The following DHX29 variants were observed in gnomAD, a reference collection of about 807,000 sequenced individuals.
DHX29 encodes the protein DExH-box helicase 29.
Under a neutral mutation model 167.9 loss-of-function variants are expected in DHX29, and 79 were observed. The observed-to-expected ratio is 0.47, with a 90% confidence interval of 0.39 to 0.57. The LOEUF is 0.57. DHX29 is among the 20% of genes least tolerant of loss of function. DHX29 has a pLI of 0.00. For synonymous variants in DHX29, 530 were observed against 546.0 expected (o/e 0.97, Z 0.41); for missense variants, 1,347 against 1,593.4 (o/e 0.85, Z 2.63).
chr5:55,257,352 A>C (rs1746102651), intron 26 of DHX29, among the ~76,000 whole-genome samples: 1 of 152,314 alleles, frequency 6.6e-6, no homozygotes, highest in East Asian at 1.9e-4. Flanking sequence ...ACAACAACAA[A>C]AAAGTGGGAG....
chr5:55,295,521 G>A lies in DHX29; in HGVS notation c.509C>T (p.Ala170Val), dbSNP rs1748271637. The change falls in exon 5 of 27, where the codon GCA (alanine) becomes GTA (valine). Residue 170 changes from alanine to valine, a missense_variant. Coordinates refer to ENST00000251636, the MANE Select transcript of DHX29 (RefSeq NM_019030.4). ...TTCCTGACTGAATCCTTCAGGAAGTGCATCTTAAAATAAAAGAAACTATGC... is the reference window on the plus strand; with the variant it reads ...TTCCTGACTGAATCCTTCAGGAAGTACATCTTAAAATAAAAGAAACTATGC... ...DWLCLNLSDD[A>V]LPEGFSQEFE... 6.2e-7 allele frequency: 1 copy of A among 1,610,846 alleles called. No individual in the cohort carries two copies. The highest frequency in any genetic ancestry group is 8.5e-7 in the Non-Finnish European group (1 of 1,179,138).
intron 18 of DHX29, among the ~76,000 whole-genome samples, chr5:55,271,793 T>C (rs1746864837): frequency 6.6e-6 from 1 of 152,194 alleles, no homozygotes; most frequent in Non-Finnish European, 1.5e-5. Context: ...TGTTAAACAA[T>C]TTATTTTACA....
chr5:55,293,979 A>G, intron 6 of DHX29, 38 bp downstream of exon 6: 2 of 1,590,098 alleles, frequency 1.3e-6, no homozygotes, highest in East Asian at 2.2e-5. Flanking sequence ...CTTGCTTAAG[A>G]GCATCCAGTT....
chr5:55,280,892 G>A (rs1747366663), intron 12 of DHX29, among the ~76,000 whole-genome samples: 1 of 152,022 alleles, frequency 6.6e-6, no homozygotes, highest in Admixed American at 6.6e-5. Context: ...CAGGTCCTAT[G>A]TGCCAGTGAA....
chr5:55,283,565 C>A lies in DHX29; in HGVS notation c.1603G>T (p.Ala535Ser). The change falls in exon 11 of 27, where the codon GCA becomes TCA. Residue 535 changes from alanine (A) to serine (S), a missense_variant. Around this residue, in one of 3 missense-constraint regions of DHX29, gnomAD observed 882 missense variants for 1,082.4 expected, o/e 0.81. Transcript: ENST00000251636. ...ENLVSDEDFSALSLESANVED... is the reference protein window; with the variant it reads ...ENLVSDEDFSSLSLESANVED... ...ACATTTGCTGATTCCAAGGACAGTG[C>A]AGAAAAATCCTCATCCGAAACTAAA... The A allele has an allele frequency of 6.2e-7, 1 of 1,614,182 alleles. No individual in the cohort carries two copies. The highest frequency in any genetic ancestry group is 8.5e-7 in the Non-Finnish European group (1 of 1,180,038).
chr5:55,285,161 G>A (rs985855083), intron 10 of DHX29, 132 bp downstream of exon 10: 9 of 1,317,210 alleles, frequency 6.8e-6, no homozygotes, highest in African/African-American at 3.0e-5. Context: ...ACTATGTTTA[G>A]GGTTGAAAGG....
chr5:55,285,507 G>A, intron 9 of DHX29, 91 bp from the exon 10 acceptor site: 1 of 1,339,598 alleles, frequency 7.5e-7, no homozygotes, highest in South Asian at 1.5e-5. Flanking sequence ...ACTCAAGTTT[G>A]TTAATTATTT....
At position 55,281,532 on chromosome 5, in the gene DHX29, A is replaced by G; in HGVS notation, c.1966-17T>C. 6.5e-7 allele frequency: 1 copy of G among 1,548,708 alleles called. No individual in the cohort carries two copies. The highest frequency in any genetic ancestry group is 1.4e-5 in the African/African-American group (1 of 72,178). On this transcript the variant is annotated splice_polypyrimidine_tract_variant and intron_variant, in intron 11 of 26. Coordinates refer to ENST00000251636, the MANE Select transcript of DHX29 (RefSeq NM_019030.4). ...CAAGGAATTCTAAAGGGAGAACATA[A>G]GGCCTTGATTAGATTCTCATGAGTA...
intron 25 of DHX29, among the ~76,000 whole-genome samples, chr5:55,260,482 C>T (rs1027899086): frequency 2.1e-4 from 25 of 117,978 alleles, no homozygotes; most frequent in African/African-American, 3.1e-4. Flanking sequence ...CCACCTGCCT[C>T]GGCCTCCCAA....
At chr5:55,286,388 A>C (rs1747731908) in intron 8 of DHX29, among the ~76,000 whole-genome samples, 1 of 152,174 alleles carries the variant, frequency 6.6e-6, no homozygotes. Context: ...TATCTTGAGG[A>C]ACTTATGTAT....
chr5:55,297,432 G>C, intron 2 of DHX29, 34 bp from the exon 3 acceptor site: 1 of 868,524 alleles, frequency 1.2e-6, no homozygotes, highest in Non-Finnish European at 1.9e-6. Context: ...TCATTTAGAA[G>C]CTAAATTATT....
At chr5:55,266,395 C>T (rs1223682717) in intron 23 of DHX29, among the ~76,000 whole-genome samples, 1 of 150,742 alleles carries the variant, frequency 6.6e-6, no homozygotes, top group African/African-American at 2.4e-5. Context: ...CCACAACCTC[C>T]ATCTCCTCGG....
chr5:55,298,422 C>CTCAACATATGTGTATGATT (rs1174470202), intron 2 of DHX29, among the ~76,000 whole-genome samples, 169 bp downstream of exon 2: 1 of 152,158 alleles, frequency 6.6e-6, no homozygotes, highest in African/African-American at 2.4e-5. Context: ...CTTACTGTCT[C>CTCAACATATGTGTATGATT]TCAACATATG....
At chr5:55,276,758 G>C (rs1747135536) in intron 13 of DHX29, among the ~76,000 whole-genome samples, 2 of 152,238 alleles carry the variant, frequency 1.3e-5, no homozygotes, top group African/African-American at 2.4e-5. Context: ...TGAAAAAGGA[G>C]TTCCTTATTG....
At chr5:55,270,987 TATTA>T (rs1458728735) in intron 18 of DHX29, among the ~76,000 whole-genome samples, 1 of 152,362 alleles carries the variant, frequency 6.6e-6, no homozygotes, top group African/African-American at 2.4e-5. Flanking sequence ...GTAGAATACC[TATTA>T]ATTATGTGAC....
Position 55,294,130 on chromosome 5 carries a change from TTTC to T in DHX29, c.664_666del (p.Glu222del). 1 of 1,591,126 alleles carries T rather than the reference TTTC, an allele frequency of 6.3e-7. No individual in the cohort carries two copies. Among genetic ancestry groups the T allele is most frequent in the South Asian group, 1.1e-5 (1 of 87,852 alleles). ...TCTTTCATATTTACTTCCATATTTT[TTTC>T]TTCCTTTTTTGGCTAGAAAGAGAAA... On this transcript the variant is annotated inframe_deletion, in exon 6 of 27. Transcript: ENST00000251636.
At chr5:55,290,158 G>C (rs923952626) in intron 7 of DHX29, 60 bp downstream of exon 7, 1 of 1,554,728 alleles carries the variant, frequency 6.4e-7, no homozygotes, top group African/African-American at 1.4e-5. Context: ...ATCCATCCCA[G>C]GAAGGCCAAC....
intron 23 of DHX29, 44 bp from the exon 24 acceptor site, chr5:55,262,976 G>C (rs541228400): frequency 2.1e-6 from 3 of 1,414,846 alleles, no homozygotes; most frequent in East Asian, 2.3e-5. Flanking sequence ...AAATTGATTA[G>C]AGGAATTTCC....
chr5:55,289,147 G>T, intron 8 of DHX29, 123 bp downstream of exon 8: 2 of 1,087,218 alleles, frequency 1.8e-6, no homozygotes, highest in Non-Finnish European at 2.5e-6. Context: ...AGCTTATAAA[G>T]TGTAACTTCA....
Sources: gnomAD v4.1 joint callset for allele counts (sites outside exome capture counted in the v4.1 genomes callset) on GRCh38, gnomAD v4.1.1 for gene constraint, gnomAD v4.1.1 regional missense constraint, MANE v1.5 for transcripts, NCBI Gene and HGNC (gene_info 2026-07-23, HGNC 2026-07-21) for gene names.